Variants in SRGAP2B observed in about 807,000 individuals in gnomAD.
SRGAP2B encodes the protein SLIT-ROBO Rho GTPase-activating protein 2B.
Under a neutral mutation model 22.2 loss-of-function variants are expected in SRGAP2B, and 9 were observed. The ratio of observed to expected loss-of-function variants is 0.41; its 90% CI spans 0.24 to 0.71. The LOEUF (loss-of-function observed/expected upper bound fraction) is 0.71, where lower values mean the gene tolerates loss of function less well. Among genes scored for constraint, SRGAP2B ranks in the 30% least tolerant of loss-of-function variants. The pLI, the probability that SRGAP2B is intolerant of heterozygous loss-of-function variation, is 0.35. For synonymous variants in SRGAP2B, 36 were observed against 87.4 expected (o/e 0.41, Z 3.28); for missense variants, 114 against 235.8 (o/e 0.48, Z 3.38).
intron 2 of SRGAP2B, among the ~76,000 whole-genome samples, chr1:145,083,136 G>T (rs1653074989): frequency 6.9e-6 from 1 of 145,580 alleles, no homozygotes; most frequent in Non-Finnish European, 1.5e-5. Context: ...GGCAAGGGGA[G>T]ATGCTGAGGA....
intron 2 of SRGAP2B, among the ~76,000 whole-genome samples, chr1:145,063,120 C>T (rs1472757537): frequency 7.0e-6 from 1 of 141,948 alleles, no homozygotes; most frequent in Non-Finnish European, 1.5e-5. Context: ...TGATGGGATC[C>T]TCAATGAGAG....
chr1:145,076,542 A>C (rs1332178359), intron 2 of SRGAP2B, among the ~76,000 whole-genome samples: 3 of 150,038 alleles, frequency 2.0e-5, no homozygotes, highest in Non-Finnish European at 4.4e-5. Flanking sequence ...GAGTGAAAAA[A>C]AAAGGCCAAT....
intron 4 of SRGAP2B, among the ~76,000 whole-genome samples, chr1:144,952,590 A>G (rs1411124598): frequency 6.8e-6 from 1 of 147,332 alleles, no homozygotes; most frequent in Non-Finnish European, 1.5e-5. Context: ...TCCTCAAACC[A>G]TCAGGGTCTC....
chr1:144,930,538 A>C (rs1265087459), intron 4 of SRGAP2B, among the ~76,000 whole-genome samples: 4 of 147,736 alleles, frequency 2.7e-5, no homozygotes, highest in African/African-American at 1.0e-4. Flanking sequence ...AATTCTAAAA[A>C]TTGGCACGTA....
At chr1:144,923,340 C>A (rs1297296334) in intron 4 of SRGAP2B, among the ~76,000 whole-genome samples, 2 of 150,552 alleles carry the variant, frequency 1.3e-5, no homozygotes, top group East Asian at 3.9e-4. Flanking sequence ...TGGCTGGGGG[C>A]GTAATGTCTT....
At chr1:144,974,005 C>G (rs1668722989) in intron 3 of SRGAP2B, among the ~76,000 whole-genome samples, 5 of 150,706 alleles carry the variant, frequency 3.3e-5, no homozygotes, top group Admixed American at 3.3e-4. Flanking sequence ...CTTACCTTCT[C>G]TATATGAAAA....
At chr1:144,975,295 G>C (rs1553614008) in intron 3 of SRGAP2B, among the ~76,000 whole-genome samples, 1 of 147,298 alleles carries the variant, frequency 6.8e-6, no homozygotes, top group Non-Finnish European at 1.5e-5. Flanking sequence ...AAGGTCTGGA[G>C]ATTGAGGGAT....
At chr1:144,939,606 C>T (rs587716842) in intron 4 of SRGAP2B, among the ~76,000 whole-genome samples, 1 of 145,940 alleles carries the variant, frequency 6.9e-6, no homozygotes, top group Non-Finnish European at 1.5e-5. Context: ...CGAGCAATTA[C>T]AGACAATAAA....
chr1:144,991,338 AC>A (rs1429448774), intron 3 of SRGAP2B, among the ~76,000 whole-genome samples: 12 of 150,288 alleles, frequency 8.0e-5, no homozygotes, highest in African/African-American at 3.0e-4. Flanking sequence ...ACCAATCAGC[AC>A]CCTGTGTTTA....
chr1:144,970,879 A>G lies in SRGAP2B; in HGVS notation c.261-15278T>C, dbSNP rs587709620. On this transcript the variant is annotated intron_variant, in intron 3 of 9. Transcript: ENST00000612199. ...CACACATGACTTTTGTGAAGATCCA[A>G]TCAAACAAGGTGATGCCCTTAAACA... Among the ~76,000 whole-genome samples the G allele has an allele frequency of 7.8e-3, 1,174 of 149,982 alleles. 23 individuals carry two copies. The highest frequency in any genetic ancestry group is 0.012 in the Non-Finnish European group (809 of 67,754).
intron 4 of SRGAP2B, among the ~76,000 whole-genome samples, chr1:144,931,528 G>C (rs1266196200): frequency 3.3e-5 from 5 of 150,550 alleles, no homozygotes; most frequent in Non-Finnish European, 5.9e-5. Context: ...CTGCAGAAAA[G>C]GTTGTGATTC....
intron 4 of SRGAP2B, among the ~76,000 whole-genome samples, chr1:144,943,910 G>A (rs1483632265): frequency 2.0e-5 from 3 of 150,772 alleles, no homozygotes; most frequent in East Asian, 1.9e-4. Context: ...CTTAGGTGCT[G>A]CCCACTGTAA....
In SRGAP2B at chr1:144,914,302, GAAC is replaced by G. The variant is rs1663658960; in HGVS notation, c.486+387_486+389del. Among the ~76,000 whole-genome samples the G allele has an allele frequency of 2.0e-5, 3 of 151,356 alleles. No individual in the cohort carries two copies. In the South Asian group the frequency reaches 6.3e-4, roughly 32 times the overall value. On this transcript the variant is annotated intron_variant, in intron 5 of 9. Transcript: ENST00000612199. ...AATCCAAGATCTGATGAAAAACCTA[GAAC>G]AATAAAGCCTTTCCGACAGGCACAT...
chr1:144,955,535 T>C, exon 4 of SRGAP2B: 1 of 969,250 alleles, frequency 1.0e-6, no homozygotes, highest in Non-Finnish European at 1.6e-6. Context: ...GGTCCCTGCT[T>C]TCCCGCTTCA....
intron 3 of SRGAP2B, among the ~76,000 whole-genome samples, chr1:144,971,627 C>A (rs1668534001): frequency 6.6e-6 from 1 of 150,942 alleles, no homozygotes; most frequent in Admixed American, 6.6e-5. Flanking sequence ...AATTTATCAT[C>A]TGATTCTCTG....
intron 2 of SRGAP2B, among the ~76,000 whole-genome samples, chr1:145,045,166 C>CTACAGCT (rs1649647191): frequency 1.6e-5 from 2 of 127,702 alleles, no homozygotes; most frequent in Non-Finnish European, 3.2e-5. Flanking sequence ...CGCCTGTAGT[C>CTACAGCT]CCAGCTACTC....
At chr1:145,038,389 G>A (rs1189747376) in intron 2 of SRGAP2B, among the ~76,000 whole-genome samples, 1 of 131,410 alleles carries the variant, frequency 7.6e-6, no homozygotes, top group Non-Finnish European at 1.5e-5. Context: ...GGGTTCTACA[G>A]GGTGGACCAG....
chr1:144,965,335 G>A (rs1372401263), intron 3 of SRGAP2B, among the ~76,000 whole-genome samples: 3 of 141,136 alleles, frequency 2.1e-5, no homozygotes, highest in Non-Finnish European at 4.6e-5. Context: ...CCTGACCCCT[G>A]ACCCCCGAGC....
intron 2 of SRGAP2B, among the ~76,000 whole-genome samples, chr1:145,031,771 C>T (rs1183486228): frequency 7.7e-5 from 11 of 142,498 alleles, no homozygotes; most frequent in South Asian, 2.2e-4. Flanking sequence ...GGCGTGAACC[C>T]GGGAGGCGGA....
Sources: allele counts gnomAD v4.1 joint callset (sites outside exome capture counted in the v4.1 genomes callset), GRCh38; gene constraint gnomAD v4.1.1; transcripts MANE v1.5; gene names NCBI Gene and HGNC (gene_info 2026-07-23, HGNC 2026-07-21).